The following GRIK2 variants were observed in gnomAD, a reference collection of about 807,000 sequenced individuals.
The protein encoded by GRIK2 is glutamate ionotropic receptor kainate type subunit 2.
In GRIK2, 32 loss-of-function variants were observed where a neutral mutation model predicts 100.3. The observed-to-expected ratio is 0.32, with a 90% confidence interval of 0.24 to 0.43. GRIK2 has a LOEUF of 0.43. Among genes scored for constraint, GRIK2 ranks in the 20% least tolerant of loss-of-function variants. GRIK2 has a pLI of 1.00. For missense variants in GRIK2, 843 were observed against 1,114.9 expected, an observed-to-expected ratio of 0.76 and a Z score of 3.47; for synonymous variants, 417 against 389.4, an observed-to-expected ratio of 1.07 and a Z score of -0.83.
In GRIK2 at chr6:101,746,956, C is replaced by G. The variant is rs183384784; in HGVS notation, c.952-52692C>G. 1.1e-4 allele frequency among the ~76,000 whole-genome samples: 16 copies of G among 152,236 alleles called. No individual in the cohort carries two copies. The East Asian group carries it at 2.9e-3, about 28-fold the overall frequency. On this transcript the variant is annotated intron_variant, in intron 7 of 16. Transcript: ENST00000369134. The stretch of plus-strand genomic sequence containing the variant: ...TAATGTTTTTCTATCTGTGTCATAT[C>G]TATTATATTTTTATAACCCTTGTTA...
At chr6:101,555,575 T>G (rs962732216) in intron 2 of GRIK2, among the ~76,000 whole-genome samples, 10 of 152,240 alleles carry the variant, frequency 6.6e-5, no homozygotes, top group Admixed American at 6.5e-4. Flanking sequence ...TAAAATTTTA[T>G]GTAATAGTCT....
At chr6:101,740,205 G>A (rs759077431) in intron 7 of GRIK2, among the ~76,000 whole-genome samples, 4 of 152,140 alleles carry the variant, frequency 2.6e-5, no homozygotes, top group Non-Finnish European at 4.4e-5. Context: ...CAGCTGGCCG[G>A]ATCTGGTGTT....
intron 10 of GRIK2, among the ~76,000 whole-genome samples, chr6:101,828,596 A>G (rs1419998144): frequency 6.6e-6 from 1 of 151,946 alleles, no homozygotes; most frequent in Non-Finnish European, 1.5e-5. Context: ...TGATATTACA[A>G]CTGATTCCAC....
At chr6:101,669,167 A>G (rs1357921962) in intron 4 of GRIK2, among the ~76,000 whole-genome samples, 2 of 152,164 alleles carry the variant, frequency 1.3e-5, no homozygotes, top group Non-Finnish European at 2.9e-5. Flanking sequence ...CATTACATCA[A>G]TTAATTACAT....
chr6:102,060,254 A>G (rs1442452981), intron 16 of GRIK2, among the ~76,000 whole-genome samples: 1 of 150,788 alleles, frequency 6.6e-6, no homozygotes, highest in Non-Finnish European at 1.5e-5. Flanking sequence ...GTTCAAAAAC[A>G]TTTTGTGAGG....
chr6:101,491,520 A>G (rs1160405935), intron 2 of GRIK2, among the ~76,000 whole-genome samples: 1 of 152,030 alleles, frequency 6.6e-6, no homozygotes, highest in Admixed American at 6.6e-5. Flanking sequence ...AAATATAAAA[A>G]GAATATTATA....
intron 7 of GRIK2, among the ~76,000 whole-genome samples, chr6:101,791,800 A>G (rs931849311): frequency 1.3e-5 from 2 of 151,652 alleles, no homozygotes; most frequent in Non-Finnish European, 2.9e-5. Context: ...TAATGTTGAC[A>G]GTGTGGTGTT....
At chr6:101,720,318 CATTA>C (rs1774392445) in intron 7 of GRIK2, among the ~76,000 whole-genome samples, 1 of 151,940 alleles carries the variant, frequency 6.6e-6, no homozygotes, top group South Asian at 2.1e-4. Context: ...AACATTTTCC[CATTA>C]ATTATTTTTT....
At chr6:101,722,248 G>C (rs1457432437) in intron 7 of GRIK2, among the ~76,000 whole-genome samples, 1 of 151,946 alleles carries the variant, frequency 6.6e-6, no homozygotes, top group East Asian at 1.9e-4. Context: ...CTTATACCAG[G>C]AGTAGGCTAG....
At chr6:101,684,453 C>T (rs1450883881) in intron 6 of GRIK2, among the ~76,000 whole-genome samples, 1 of 152,142 alleles carries the variant, frequency 6.6e-6, no homozygotes, top group Admixed American at 6.5e-5. Context: ...GGATCAGTCT[C>T]CTGAATAGGT....
intron 4 of GRIK2, among the ~76,000 whole-genome samples, chr6:101,667,615 CA>C (rs1770128715): frequency 6.6e-6 from 1 of 152,076 alleles, no homozygotes. Context: ...TTGAATGTAT[CA>C]TGGTTCAAGG....
intron 10 of GRIK2, among the ~76,000 whole-genome samples, chr6:101,819,442 T>C (rs1210926000): frequency 6.6e-6 from 1 of 152,180 alleles, no homozygotes; most frequent in Non-Finnish European, 1.5e-5. Context: ...TAAAGCCTTT[T>C]GATAATGAAG....
Position 101,817,122 on chromosome 6 carries a change from A to T in GRIK2, c.1204-1248A>T, listed in dbSNP as rs534021685. Among the ~76,000 whole-genome samples, 24 of 152,320 alleles carry T rather than the reference A, an allele frequency of 1.6e-4. 1 individual carries two copies. The highest frequency in any genetic ancestry group is 4.6e-4 in the African/African-American group (19 of 41,574). Reference sequence around the variant, plus strand: ...TCATAAGCATAGTCTAATGTAAAGAAATGTAAATTGGCCAGTAGGTGGTTT... The same window carrying T: ...TCATAAGCATAGTCTAATGTAAAGATATGTAAATTGGCCAGTAGGTGGTTT... On this transcript the variant is annotated intron_variant, in intron 9 of 16. Transcript: ENST00000369134.
At chr6:101,936,798 G>GT (rs921532574) in intron 14 of GRIK2, among the ~76,000 whole-genome samples, 42 of 152,254 alleles carry the variant, frequency 2.8e-4, no homozygotes, top group African/African-American at 1.0e-3. Flanking sequence ...AAGCATATGA[G>GT]TCAAAGACTT....
chr6:101,719,138 G>GTTTTTTTTTTTTTTTTTTTTTTTTTTTTT (rs60301711), intron 7 of GRIK2, among the ~76,000 whole-genome samples: 5 of 101,170 alleles, frequency 4.9e-5, no homozygotes, highest in African/African-American at 2.0e-4. Context: ...GGCTGCAAGG[G>GTTTTTTTTTTTTTTTTTTTTTTTTTTTTT]TTTTTTTTTT....
chr6:101,730,060 A>T (rs567551253), intron 7 of GRIK2, among the ~76,000 whole-genome samples: 22 of 152,048 alleles, frequency 1.4e-4, no homozygotes, highest in Admixed American at 1.1e-3. Flanking sequence ...AGGCTTTCAT[A>T]ATATTAAATA....
intron 2 of GRIK2, among the ~76,000 whole-genome samples, chr6:101,567,571 A>G (rs1282344279): frequency 6.6e-6 from 1 of 152,008 alleles, no homozygotes; most frequent in Admixed American, 6.6e-5. Context: ...ATCCTGTTTC[A>G]TAAACTTACT....
At chr6:101,486,082 C>T (rs1407790345) in intron 2 of GRIK2, among the ~76,000 whole-genome samples, 1 of 151,982 alleles carries the variant, frequency 6.6e-6, no homozygotes, top group Non-Finnish European at 1.5e-5. Flanking sequence ...ATTGGTGAGC[C>T]TTAGTCTCAT....
At position 101,687,321 on chromosome 6, in the gene GRIK2, T is replaced by C. The variant is rs149316609; in HGVS notation, c.951+968T>C. ...CTTATTAAATCATTTTTCTACAGAC[T>C]AAAGTATCACTATAATTAAGGAAAT... On this transcript the variant is annotated intron_variant, in intron 7 of 16. Transcript: ENST00000369134. Among the ~76,000 whole-genome samples, 265 of 152,060 alleles carry C rather than the reference T, an allele frequency of 1.7e-3. 4 individuals are homozygous for C. The highest frequency in any genetic ancestry group is 0.014 in the Middle Eastern group (4 of 294).
Sources: allele counts gnomAD v4.1 joint callset (sites outside exome capture counted in the v4.1 genomes callset), GRCh38; gene constraint gnomAD v4.1.1; transcripts MANE v1.5; gene names NCBI Gene and HGNC (gene_info 2026-07-23, HGNC 2026-07-21).